Variants in IL1RAPL1 observed in about 807,000 individuals in gnomAD.
IL1RAPL1 encodes interleukin-1 receptor accessory protein-like 1.
IL1RAPL1 carries 3 observed loss-of-function variants against 48.4 expected under a neutral mutation model. The observed-to-expected ratio is 0.06, with a 90% CI of 0.03 to 0.16. The LOEUF is 0.16. Among genes scored for constraint, IL1RAPL1 ranks in the 10% least tolerant of loss-of-function variants. The pLI, the probability that IL1RAPL1 is intolerant of heterozygous loss-of-function variation, is 1.00. For missense variants in IL1RAPL1, 349 were observed against 530.6 expected, an observed-to-expected ratio of 0.66 and a Z score of 3.36; for synonymous variants, 185 against 187.7, an observed-to-expected ratio of 0.99 and a Z score of 0.12.
At chrX:29,300,719 ATGT>A (rs1038359364) in intron 3 of IL1RAPL1, among the ~76,000 whole-genome samples, 1 of 112,257 alleles carries the variant, frequency 8.9e-6, no homozygotes, top group Non-Finnish European at 1.9e-5. Context: ...AAGAATAAAA[ATGT>A]TGTTCTAGTT....
intron 5 of IL1RAPL1, among the ~76,000 whole-genome samples, chrX:29,407,229 A>C (rs749864435): frequency 3.6e-5 from 4 of 111,532 alleles, no homozygotes; most frequent in Non-Finnish European, 7.5e-5. Flanking sequence ...TCTGATTATA[A>C]ACCCCTTCCT....
chrX:29,850,061 G>A (rs775602162), intron 6 of IL1RAPL1, among the ~76,000 whole-genome samples: 3 of 111,505 alleles, frequency 2.7e-5, no homozygotes, highest in East Asian at 2.8e-4. Context: ...GAGTGAACCC[G>A]ATGCACTGCT....
chrX:29,339,278 A>C (rs1179507333), intron 3 of IL1RAPL1, among the ~76,000 whole-genome samples: 1 of 111,966 alleles, frequency 8.9e-6, no homozygotes, highest in Non-Finnish European at 1.9e-5. Flanking sequence ...AAGTTATATA[A>C]CCTTTCTGAG....
At chrX:29,692,014 A>G (rs1281093630) in intron 6 of IL1RAPL1, among the ~76,000 whole-genome samples, 2 of 112,483 alleles carry the variant, frequency 1.8e-5, no homozygotes, top group Non-Finnish European at 3.7e-5. Context: ...TTCATTTACA[A>G]TGAAGGTGAC....
At chrX:28,956,890 C>A (rs1233051324) in intron 2 of IL1RAPL1, among the ~76,000 whole-genome samples, 3 of 108,928 alleles carry the variant, frequency 2.8e-5, no homozygotes, top group Non-Finnish European at 5.7e-5. Flanking sequence ...TCCATCTGGT[C>A]CTGGACTCTT....
At chrX:28,646,132 G>A (rs1160156339) in intron 1 of IL1RAPL1, among the ~76,000 whole-genome samples, 3 of 111,890 alleles carry the variant, frequency 2.7e-5, no homozygotes, top group Non-Finnish European at 5.6e-5. Flanking sequence ...CCATGGACGG[G>A]GTCTGGGGGG....
intron 1 of IL1RAPL1, among the ~76,000 whole-genome samples, chrX:28,712,374 C>G (rs1261670516): frequency 9.2e-6 from 1 of 108,701 alleles, no homozygotes; most frequent in South Asian, 3.9e-4. Context: ...TTTTTTTTCT[C>G]TCACTCCACC....
chrX:29,562,053 TATC>T (rs1569339190), intron 5 of IL1RAPL1, among the ~76,000 whole-genome samples: 8 of 103,524 alleles, frequency 7.7e-5, no homozygotes, highest in African/African-American at 3.1e-4. Flanking sequence ...TCTATCTATC[TATC>T]TATCTATCTA....
chrX:28,816,494 A>G (rs887120957), intron 2 of IL1RAPL1, among the ~76,000 whole-genome samples: 3 of 110,535 alleles, frequency 2.7e-5, no homozygotes, highest in African/African-American at 9.8e-5. Context: ...GAGAGCATGC[A>G]GTTTTTGGTT....
intron 6 of IL1RAPL1, among the ~76,000 whole-genome samples, chrX:29,890,996 T>A (rs767410792): frequency 8.9e-6 from 1 of 111,940 alleles, no homozygotes; most frequent in South Asian, 3.7e-4. Flanking sequence ...TGAAATAGAT[T>A]CTTGGTTTCT....
At chrX:29,119,055 C>A (rs1374137888) in intron 2 of IL1RAPL1, among the ~76,000 whole-genome samples, 1 of 110,257 alleles carries the variant, frequency 9.1e-6, no homozygotes, top group Admixed American at 9.7e-5. Context: ...TACAAAACGA[C>A]CAAAACTGAG....
At chrX:29,606,156 A>G (rs965974155) in intron 5 of IL1RAPL1, among the ~76,000 whole-genome samples, 1 of 112,196 alleles carries the variant, frequency 8.9e-6, no homozygotes, top group Admixed American at 9.5e-5. Context: ...AATATTACAA[A>G]GAAGTTTTGA....
intron 5 of IL1RAPL1, among the ~76,000 whole-genome samples, chrX:29,623,651 G>A (rs976070953): frequency 8.9e-6 from 1 of 111,888 alleles, no homozygotes; most frequent in East Asian, 2.8e-4. Flanking sequence ...ATTAATATAG[G>A]AATAATATTT....
intron 2 of IL1RAPL1, among the ~76,000 whole-genome samples, chrX:29,201,088 G>A (rs1806668635): frequency 1.8e-5 from 2 of 110,860 alleles, no homozygotes; most frequent in African/African-American, 6.6e-5. Context: ...TATTTGATTA[G>A]GAGCAAGAAA....
intron 2 of IL1RAPL1, among the ~76,000 whole-genome samples, chrX:28,849,399 A>G (rs1169722901): frequency 8.9e-6 from 1 of 112,152 alleles, no homozygotes; most frequent in Non-Finnish European, 1.9e-5. Flanking sequence ...TTGGGATAAC[A>G]TGACATCTTT....
intron 5 of IL1RAPL1, among the ~76,000 whole-genome samples, chrX:29,424,761 G>C (rs1250856187): frequency 2.7e-5 from 3 of 111,213 alleles, no homozygotes; most frequent in African/African-American, 9.8e-5. Flanking sequence ...CATTGTCTTG[G>C]GTATGGGAGG....
chrX:29,709,402 C>T (rs1359115771), intron 6 of IL1RAPL1, among the ~76,000 whole-genome samples: 2 of 111,402 alleles, frequency 1.8e-5, no homozygotes, highest in South Asian at 3.7e-4. Flanking sequence ...TTGGAGAAAT[C>T]GCCATTTCCC....
chrX:29,218,338 T>G (rs1363347420), intron 2 of IL1RAPL1, among the ~76,000 whole-genome samples: 3 of 111,947 alleles, frequency 2.7e-5, no homozygotes, highest in African/African-American at 9.7e-5. Flanking sequence ...TGGAGAAACA[T>G]GGAAGCCTAA....
At chrX:29,379,095 G>T (rs967850944) in intron 3 of IL1RAPL1, among the ~76,000 whole-genome samples, 4 of 112,410 alleles carry the variant, frequency 3.6e-5, no homozygotes, top group Admixed American at 1.9e-4. Context: ...CAGCCTTGGG[G>T]CACCAGGACT....
Sources: allele counts gnomAD v4.1 joint callset (sites outside exome capture counted in the v4.1 genomes callset), GRCh38; gene constraint gnomAD v4.1.1; transcripts MANE v1.5; gene names NCBI Gene and HGNC (gene_info 2026-07-23, HGNC 2026-07-21).